RASSF3: variants seen among roughly 807,000 people sequenced by gnomAD.
RASSF3 encodes the protein ras association domain-containing protein 3.
Under a neutral mutation model 19.9 loss-of-function variants are expected in RASSF3, and 19 were observed. The observed-to-expected ratio is 0.96, with a 90% CI of 0.67 to 1.40. The LOEUF (loss-of-function observed/expected upper bound fraction) is 1.40, where lower values mean the gene tolerates loss of function less well. Among genes scored for constraint, RASSF3 ranks in the 40% most tolerant of loss-of-function variants. RASSF3 has a pLI of 0.00. For synonymous variants in RASSF3, 110 were observed against 104.2 expected (o/e 1.06, Z -0.34); for missense variants, 306 against 289.8 (o/e 1.06, Z -0.41).
chr12:64,622,819 TTTTC>T (rs966335412), intron 1 of RASSF3, among the ~76,000 whole-genome samples: 1 of 151,812 alleles, frequency 6.6e-6, no homozygotes, highest in Non-Finnish European at 1.5e-5. Flanking sequence ...AAATTTTCTT[TTTTC>T]TTTCTTTTTT....
chr12:64,604,731 G>A (rs897899937), intron 2 of RASSF3, among the ~76,000 whole-genome samples: 2 of 148,830 alleles, frequency 1.3e-5, no homozygotes, highest in African/African-American at 5.0e-5. Flanking sequence ...TCCGCCTCCC[G>A]GGTTCACGTC....
downstream of RASSF3, among the ~76,000 whole-genome samples, chr12:64,543,530 C>A (rs572663453): frequency 1.6e-5 from 1 of 62,030 alleles, no homozygotes; most frequent in Non-Finnish European, 4.1e-5. Flanking sequence ...CCCCGCTCTC[C>A]CCCGCCCCCC....
At chr12:64,555,513 G>C (rs565245228) in intron 2 of RASSF3, among the ~76,000 whole-genome samples, 1 of 152,326 alleles carries the variant, frequency 6.6e-6, no homozygotes, top group Admixed American at 6.5e-5. Context: ...ACTTTGGGAG[G>C]CCGAGGCAGG....
chr12:64,630,773 G>A (rs1365135802), intron 1 of RASSF3, among the ~76,000 whole-genome samples: 1 of 152,118 alleles, frequency 6.6e-6, no homozygotes, highest in Non-Finnish European at 1.5e-5. Flanking sequence ...TGAGAAAGAG[G>A]AGTCAAGGAA....
intron 2 of RASSF3, among the ~76,000 whole-genome samples, chr12:64,566,339 A>G (rs547526348): frequency 1.3e-5 from 2 of 152,344 alleles, no homozygotes; most frequent in South Asian, 2.1e-4. Context: ...TTTTAATTTT[A>G]CCATTGAATC....
At chr12:64,606,329 T>C (rs1033265863), upstream of RASSF3, among the ~76,000 whole-genome samples, 2 of 152,190 alleles carry the variant, frequency 1.3e-5, no homozygotes, top group Non-Finnish European at 2.9e-5. Flanking sequence ...AGTCCTTGTT[T>C]AGTTAACAAG....
At chr12:64,613,346 G>T (rs1392360342) in intron 1 of RASSF3, among the ~76,000 whole-genome samples, 1 of 148,160 alleles carries the variant, frequency 6.7e-6, no homozygotes, top group East Asian at 1.9e-4. Flanking sequence ...GAGATACAGT[G>T]ATTTTTTTTT....
chr12:64,638,047 G>A (rs987523907), intron 1 of RASSF3, among the ~76,000 whole-genome samples: 1 of 151,774 alleles, frequency 6.6e-6, no homozygotes, highest in Non-Finnish European at 1.5e-5. Context: ...GGCCAGGATG[G>A]TCTCCATCTC....
chr12:64,599,245 G>A (rs1235218521), intron 2 of RASSF3: 1 of 152,092 alleles, frequency 6.6e-6, no homozygotes, highest in Non-Finnish European at 1.5e-5. Context: ...CTATGGATGG[G>A]TCATAATCAT....
chr12:64,531,425 A>G (rs183146617), upstream of RASSF3, among the ~76,000 whole-genome samples: 1 of 152,226 alleles, frequency 6.6e-6, no homozygotes, highest in East Asian at 1.9e-4. Flanking sequence ...TAATTTTTTT[A>G]TTATGGCAAA....
intron 1 of RASSF3, among the ~76,000 whole-genome samples, chr12:64,661,074 C>A (rs1209364369): frequency 6.6e-6 from 1 of 152,158 alleles, no homozygotes; most frequent in African/African-American, 2.4e-5. Flanking sequence ...GGAAAGAGCC[C>A]TAGTGCTGGA....
rs376466398 is a variant in RASSF3, at chr12:64,581,931, G to A, written c.294+40226G>A. 1.7e-4 allele frequency among the ~76,000 whole-genome samples: 26 copies of A among 151,528 alleles called. 1 individual carries two copies. In the East Asian group the frequency reaches 2.9e-3, roughly 17 times the overall value. ...TGTTCAGGCTGGAGTGCAGTGGCAC[G>A]ATCTTGGCTCCCTTCAGCCTTGACC... On this transcript the variant is annotated intron_variant, in intron 2 of 5. Coordinates refer to the RASSF3 transcript ENST00000637125.
chr12:64,634,748 G>A (rs1348752223), intron 1 of RASSF3, among the ~76,000 whole-genome samples: 3 of 121,840 alleles, frequency 2.5e-5, no homozygotes, highest in African/African-American at 3.3e-5. Flanking sequence ...ACGACACAGC[G>A]AGACACCATC....
intron 1 of RASSF3, among the ~76,000 whole-genome samples, chr12:64,659,951 CGTGTGTGTGTGTGT>C (rs200835780): frequency 6.5e-4 from 94 of 144,852 alleles, no homozygotes; most frequent in Middle Eastern, 7.2e-3. Flanking sequence ...TCATCTAATA[CGTGTGTGTGTGTGT>C]GTGTGTGTGT....
At position 64,696,728 on chromosome 12, in the gene RASSF3, C is replaced by T. The variant is rs994280680; in HGVS notation, c.*1816C>T. On this transcript the variant is annotated 3_prime_UTR_variant, in exon 5 of 5. Coordinates refer to ENST00000542104, the MANE Select transcript of RASSF3 (RefSeq NM_178169.4). ...CAATTTACTGAGACAATCATATCTT[C>T]CTAAGCATTTAAGGAAAGTTGAAAA... 1.3e-5 allele frequency: 2 copies of T among 152,054 alleles called. No individual in the cohort carries two copies. The highest frequency in any genetic ancestry group is 2.9e-5 in the Non-Finnish European group (2 of 68,016). The allele number at this position is 152,054 out of a possible 1,614,324, so 9.4% of individuals were successfully genotyped here. A position where few individuals can be genotyped will look rare whatever the true frequency, so the allele number is the denominator to read the frequency against.
chr12:64,662,468 A>G (rs999028989), intron 1 of RASSF3, among the ~76,000 whole-genome samples: 2 of 151,690 alleles, frequency 1.3e-5, no homozygotes, highest in Admixed American at 1.3e-4. Flanking sequence ...CTGTTAGATT[A>G]GTGGTCAGTT....
chr12:64,622,313 G>A (rs1870806907), intron 1 of RASSF3, among the ~76,000 whole-genome samples: 1 of 151,326 alleles, frequency 6.6e-6, no homozygotes, highest in South Asian at 2.1e-4. Flanking sequence ...GCCTGCCTTG[G>A]CCTCCCAAAG....
intron 2 of RASSF3, among the ~76,000 whole-genome samples, chr12:64,564,779 TG>T (rs1869401439): frequency 7.0e-5 from 3 of 43,056 alleles, no homozygotes; most frequent in Non-Finnish European, 2.3e-4. Context: ...AGGTGTTTTT[TG>T]TTTTTTGTTT....
chr12:64,686,000 C>T (rs1207594083), intron 2 of RASSF3, among the ~76,000 whole-genome samples: 2 of 152,092 alleles, frequency 1.3e-5, no homozygotes, highest in African/African-American at 2.4e-5. Context: ...CCTACCGAAT[C>T]GGTGATTCTT....
Sources: allele counts gnomAD v4.1 joint callset (sites outside exome capture counted in the v4.1 genomes callset), GRCh38; gene constraint gnomAD v4.1.1; transcripts MANE v1.5; gene names NCBI Gene and HGNC (gene_info 2026-07-23, HGNC 2026-07-21).